DOP1B: variants seen among roughly 807,000 people sequenced by gnomAD.
DOP1B encodes protein DOP1B.
DOP1B carries 174 observed loss-of-function variants against 233.5 expected under a neutral mutation model. The observed-to-expected ratio is 0.75, with a 90% CI of 0.66 to 0.85. The LOEUF (loss-of-function observed/expected upper bound fraction) is 0.85, where lower values mean the gene tolerates loss of function less well. DOP1B is among the 40% of genes least tolerant of loss of function. The pLI is 0.00. For synonymous variants in DOP1B, 1,190 were observed against 1,185.6 expected, an observed-to-expected ratio of 1.00 and a Z score of -0.08; for missense variants, 2,652 against 2,846.6, an observed-to-expected ratio of 0.93 and a Z score of 1.56.
chr21:36,231,980 G>A (rs936493644), intron 14 of DOP1B, among the ~76,000 whole-genome samples: 13 of 152,162 alleles, frequency 8.5e-5, no homozygotes, highest in Middle Eastern at 6.8e-3. Flanking sequence ...CAAGTATCTG[G>A]GGTTACAGGC....
chr21:36,182,161 G>C (rs2066106718), intron 2 of DOP1B, among the ~76,000 whole-genome samples: 1 of 152,136 alleles, frequency 6.6e-6, no homozygotes, highest in African/African-American at 2.4e-5. Context: ...GTGGAATGCA[G>C]GAAGGAGCCC....
Position 36,239,853 on chromosome 21 carries a change from C to G in DOP1B, c.2965C>G (p.Leu989Val). Residue 989 changes from leucine (L) to valine (V), a missense_variant, in exon 18 of 37, where the codon CTC (leucine) becomes GTC (valine). Leu to Val is a conservative substitution (Grantham distance 32). This residue lies in a region of DOP1B where 2,617 missense variants were observed against 2,794.3 expected (regional missense o/e 0.94). Transcript: ENST00000691173. ...GGGCTGGCTGGTGCGTGCGCTCTCC[C>G]TCGGGGACGTGGCTCGCATCCTCGA... ...AQGWLVRALS[L>V]GDVARILEPV... 2 of 1,591,144 alleles carry G rather than the reference C, an allele frequency of 1.3e-6. No homozygotes were observed. Among genetic ancestry groups the G allele is most frequent in the Non-Finnish European group, 8.5e-7 (1 of 1,170,456 alleles).
intron 26 of DOP1B, among the ~76,000 whole-genome samples, chr21:36,264,073 C>A (rs531927714): frequency 2.0e-5 from 3 of 152,202 alleles, no homozygotes; most frequent in Non-Finnish European, 4.4e-5. Flanking sequence ...CCTCACCCTC[C>A]ACACTGTATG....
chr21:36,185,534 G>A (rs2066154612), intron 2 of DOP1B, among the ~76,000 whole-genome samples: 1 of 152,148 alleles, frequency 6.6e-6, no homozygotes. Flanking sequence ...GAAGAAACTG[G>A]AGTTCAAAGG....
chr21:36,179,515 T>C (rs925802506), intron 2 of DOP1B, among the ~76,000 whole-genome samples: 1 of 152,240 alleles, frequency 6.6e-6, no homozygotes, highest in Admixed American at 6.5e-5. Flanking sequence ...TAAAGATCAC[T>C]GTAAGAATCT....
chr21:36,247,851 G>A (rs1216723891), intron 20 of DOP1B, among the ~76,000 whole-genome samples: 3 of 152,256 alleles, frequency 2.0e-5, no homozygotes, highest in Admixed American at 6.5e-5. Flanking sequence ...ATATGCAAAT[G>A]CATGTATATA....
intron 14 of DOP1B, 138 bp from the exon 15 acceptor site, chr21:36,232,666 C>A: frequency 2.6e-6 from 3 of 1,135,386 alleles, no homozygotes; most frequent in Middle Eastern, 3.0e-4. Flanking sequence ...GTCTCACCAG[C>A]GGGAGGTTAG....
At chr21:36,256,066 TTAAC>T (rs2067092949) in intron 23 of DOP1B, among the ~76,000 whole-genome samples, 2 of 152,224 alleles carry the variant, frequency 1.3e-5, no homozygotes, top group Admixed American at 6.5e-5. Context: ...TTGCTCTTAA[TTAAC>T]TAATTTAATA....
chr21:36,284,428 G>A (rs1021963756), intron 32 of DOP1B, among the ~76,000 whole-genome samples: 7 of 151,568 alleles, frequency 4.6e-5, no homozygotes, highest in Non-Finnish European at 7.4e-5. Context: ...ACAACACCAC[G>A]CCCAGCTAAT....
rs187513904 is a variant in DOP1B at position 36,158,864 on chromosome 21, A to G, written c.-27+1921A>G. ...TGCATAAGGCCAGGTGCAGTGGCTCATGCCTGTAATCCCAACACTTTGGGA... is the reference window on the plus strand; with the variant it reads ...TGCATAAGGCCAGGTGCAGTGGCTCGTGCCTGTAATCCCAACACTTTGGGA... On this transcript the variant is annotated intron_variant, in intron 1 of 36. Transcript: ENST00000691173. 2.5e-3 allele frequency among the ~76,000 whole-genome samples: 383 copies of G among 151,944 alleles called. 1 individual carries two copies. Among genetic ancestry groups the G allele is most frequent in the African/African-American group, 8.3e-3 (346 of 41,478 alleles).
At chr21:36,189,020 C>G (rs2835309) in intron 2 of DOP1B, among the ~76,000 whole-genome samples, 28,408 of 151,950 alleles carry the variant, frequency 0.19, 3,175 homozygotes, top group African/African-American at 0.32. Context: ...CATTTTTAAG[C>G]ATATTAACTT....
At chr21:36,237,638 G>A (rs1357019921) in intron 16 of DOP1B, among the ~76,000 whole-genome samples, 2 of 152,346 alleles carry the variant, frequency 1.3e-5, no homozygotes, top group East Asian at 1.9e-4. Flanking sequence ...ACCATATTGA[G>A]GCTCACCAGG....
chr21:36,173,831 A>C (rs2065995406), intron 2 of DOP1B, among the ~76,000 whole-genome samples: 1 of 152,052 alleles, frequency 6.6e-6, no homozygotes, highest in Non-Finnish European at 1.5e-5. Context: ...GAAATAAATT[A>C]ACTCTGGATT....
At position 36,239,818 on chromosome 21, in the gene DOP1B, C is replaced by T. The variant is rs377163141; in HGVS notation, c.2930C>T (p.Ala977Val). 1.2e-4 allele frequency: 195 copies of T among 1,566,122 alleles called. No individual in the cohort carries two copies. The highest frequency in any genetic ancestry group is 4.3e-4 in the Middle Eastern group (2 of 4,680). ...GCCTGCACGGATGGTGCCATCGGTGCGGCAGCCCAGGGCTGGCTGGTGCGT... is the reference window on the plus strand; with the variant it reads ...GCCTGCACGGATGGTGCCATCGGTGTGGCAGCCCAGGGCTGGCTGGTGCGT... Reference protein sequence around the residue: ...SLACTDGAIGAAAQGWLVRAL... With the variant: ...SLACTDGAIGVAAQGWLVRAL... The change falls in exon 18 of 37, where the codon GCG (alanine) becomes GTG (valine). Residue 977 changes from alanine to valine, a missense_variant. Ala to Val is a moderately conservative substitution (Grantham distance 64). Around this residue, in one of 3 missense-constraint regions of DOP1B, gnomAD observed 2,617 missense variants for 2,794.3 expected, o/e 0.94. Transcript: ENST00000691173.
chr21:36,157,796 ATATCTGT>A, intron 1 of DOP1B, among the ~76,000 whole-genome samples: 1 of 152,258 alleles, frequency 6.6e-6, no homozygotes, highest in South Asian at 2.1e-4. Context: ...CTAATAGTAC[ATATCTGT>A]TATCTGTTGC....
chr21:36,205,506 A>G (rs369980566), intron 4 of DOP1B, among the ~76,000 whole-genome samples: 2 of 152,074 alleles, frequency 1.3e-5, no homozygotes, highest in Admixed American at 1.3e-4. Context: ...CTCCTGCCTC[A>G]GCCTCACGAG....
chr21:36,260,576 C>A, intron 23 of DOP1B, 101 bp from the exon 24 acceptor site: 1 of 1,503,854 alleles, frequency 6.6e-7, no homozygotes, highest in South Asian at 1.2e-5. Flanking sequence ...AGTCAAAAAC[C>A]TTTGCTTTGT....
Position 36,242,788 on chromosome 21 carries a change from A to C in DOP1B, c.3068-2260A>C, listed in dbSNP as rs1327000086. On this transcript the variant is annotated intron_variant, in intron 18 of 36. Transcript: ENST00000691173. ...CTGCTTACCCCACCCTATTTCTGTA[A>C]TCCTGTAGAAATCTATTTTTAAAAT... 2.0e-5 allele frequency among the ~76,000 whole-genome samples: 3 copies of C among 152,116 alleles called. No homozygotes were observed. The East Asian group carries it at 5.8e-4, about 29-fold the overall frequency.
intron 26 of DOP1B, among the ~76,000 whole-genome samples, chr21:36,267,344 A>G (rs1187473226): frequency 2.6e-5 from 4 of 152,218 alleles, no homozygotes; most frequent in African/African-American, 7.2e-5. Context: ...GAAACCAGAA[A>G]GCCAATCCAC....
Sources: gnomAD v4.1 joint callset for allele counts (sites outside exome capture counted in the v4.1 genomes callset) on GRCh38, gnomAD v4.1.1 for gene constraint, gnomAD v4.1.1 regional missense constraint, MANE v1.5 for transcripts, NCBI Gene and HGNC (gene_info 2026-07-23, HGNC 2026-07-21) for gene names.